Variants in NPY2R observed in about 807,000 individuals in gnomAD.
The protein encoded by NPY2R is neuropeptide Y receptor Y2, also known as neuropeptide Y receptor type 2.
A neutral mutation model predicts 22.3 loss-of-function variants in NPY2R; 17 were observed. The observed-to-expected ratio is 0.76, with a 90% CI of 0.52 to 1.14. NPY2R has a LOEUF of 1.14. NPY2R is among the 50% of genes most tolerant of loss of function. NPY2R has a pLI of 0.00. For missense variants in NPY2R, 424 were observed against 467.9 expected (o/e 0.91, Z 0.87); for synonymous variants, 209 against 183.4 (o/e 1.14, Z -1.13).
chr4:155,199,918 A>C, the NPY2R span, among the ~76,000 whole-genome samples: 8 of 152,172 alleles, frequency 5.3e-5, no homozygotes, highest in African/African-American at 1.9e-4. Context: ...CCTAGAGAAA[A>C]TCTAGGCAAT....
At chr4:155,174,654 G>A in the NPY2R span, among the ~76,000 whole-genome samples, 1 of 151,638 alleles carries the variant, frequency 6.6e-6, no homozygotes, top group Non-Finnish European at 1.5e-5. Flanking sequence ...CCCATTCTGG[G>A]AAGATAGTTC....
At position 155,215,409 on chromosome 4, in the gene NPY2R, G is replaced by T. The variant is rs1729495346; in HGVS notation, c.*324G>T. 4.8e-6 allele frequency: 2 copies of T among 413,990 alleles called. No homozygotes were observed. Among genetic ancestry groups the T allele is most frequent in the Non-Finnish European group, 9.4e-6 (2 of 211,952 alleles). The allele number at this position is 413,990 out of a possible 1,614,324, so 25.6% of individuals were successfully genotyped here. A position where few individuals can be genotyped will look rare whatever the true frequency, so the allele number is the denominator to read the frequency against. ...AAGAAATTGGTATTATCAAAGCATTGCTGAGAGACGGTGGGAAAATAAGTT... is the reference window on the plus strand; with the variant it reads ...AAGAAATTGGTATTATCAAAGCATTTCTGAGAGACGGTGGGAAAATAAGTT... On this transcript the variant is annotated 3_prime_UTR_variant, in exon 2 of 2. Coordinates refer to ENST00000329476, the MANE Select transcript of NPY2R (RefSeq NM_000910.4).
At chr4:155,183,379 T>C in the NPY2R span, among the ~76,000 whole-genome samples, 71,253 of 151,922 alleles carry the variant, frequency 0.47, 17,438 homozygotes, top group East Asian at 0.69. Flanking sequence ...CAAATGACTT[T>C]GCATAATAAT....
chr4:155,210,464 T>A (rs765570286), intron 1 of NPY2R, among the ~76,000 whole-genome samples: 5 of 152,204 alleles, frequency 3.3e-5, no homozygotes, highest in Non-Finnish European at 7.3e-5. Context: ...TAGTCAGGTA[T>A]AACCTCCAAA....
At chr4:155,206,918 T>C (rs1390611090), upstream of NPY2R, 2 of 152,216 alleles carry the variant, frequency 1.3e-5, no homozygotes, top group Non-Finnish European at 2.9e-5. Flanking sequence ...TTGAGAAGAA[T>C]GGAACCTGTC....
chr4:155,216,618 C>T lies in NPY2R; in HGVS notation c.*1533C>T, dbSNP rs112790814. ...ATATTTAAAATTCATATTATAGCTC[C>T]TATTAAATTCCTTCCATGATAGATA... On this transcript the variant is annotated 3_prime_UTR_variant, in exon 2 of 2. Coordinates refer to ENST00000329476, the MANE Select transcript of NPY2R (RefSeq NM_000910.4). 195 of 166,952 alleles carry T rather than the reference C, an allele frequency of 1.2e-3. No homozygotes were observed. The highest frequency in any genetic ancestry group is 4.4e-3 in the African/African-American group (181 of 41,522). The allele number at this position is 166,952 out of a possible 1,614,324, so 10.3% of individuals were successfully genotyped here.
chr4:155,173,932 C>T, the NPY2R span: 12 of 151,962 alleles, frequency 7.9e-5, no homozygotes, highest in Non-Finnish European at 1.8e-4. Flanking sequence ...AATGTTTCTA[C>T]CTCCAGTGCT....
chr4:155,187,703 G>A, the NPY2R span, among the ~76,000 whole-genome samples: 1 of 152,076 alleles, frequency 6.6e-6, no homozygotes, highest in African/African-American at 2.4e-5. Context: ...AATATAAACA[G>A]CATGTGTCAA....
the NPY2R span, among the ~76,000 whole-genome samples, chr4:155,200,337 A>G: frequency 6.6e-6 from 1 of 152,046 alleles, no homozygotes; most frequent in East Asian, 1.9e-4. Flanking sequence ...AATGGTGATT[A>G]TTAAAAAGTT....
chr4:155,214,529 A>G lies in NPY2R; in HGVS notation c.590A>G (p.Asp197Gly). Residue 197 changes from aspartate to glycine, a missense_variant, in exon 2 of 2, where the codon GAC becomes GGC. By Grantham distance (94) the Asp-to-Gly change is moderately conservative (BLOSUM62 -1). Coordinates refer to ENST00000329476, the MANE Select transcript of NPY2R (RefSeq NM_000910.4). ...REYSLIEIIPDFEIVACTEKW... is the reference protein window; with the variant it reads ...REYSLIEIIPGFEIVACTEKW... ...TATTCGCTGATTGAGATCATCCCGG[A>G]CTTTGAGATTGTGGCCTGTACTGAA... 1.9e-6 allele frequency: 3 copies of G among 1,614,112 alleles called. No homozygotes were observed. The highest frequency in any genetic ancestry group is 2.5e-6 in the Non-Finnish European group (3 of 1,180,006).
the NPY2R span, among the ~76,000 whole-genome samples, chr4:155,202,945 A>C: frequency 4.6e-5 from 7 of 152,140 alleles, no homozygotes; most frequent in African/African-American, 7.2e-5. Context: ...GCATTGATTA[A>C]ATTCTGAATT....
chr4:155,209,933 T>G (rs1319979955), intron 1 of NPY2R, among the ~76,000 whole-genome samples: 1 of 152,136 alleles, frequency 6.6e-6, no homozygotes, highest in Non-Finnish European at 1.5e-5. Flanking sequence ...GTTATTTGAA[T>G]CTCGGGTGGT....
At chr4:155,180,351 C>A in the NPY2R span, among the ~76,000 whole-genome samples, 1 of 152,162 alleles carries the variant, frequency 6.6e-6, no homozygotes, top group Non-Finnish European at 1.5e-5. Context: ...TCCTTTAACA[C>A]AAAGAGTGCT....
At chr4:155,198,905 A>G in the NPY2R span, among the ~76,000 whole-genome samples, 3 of 151,916 alleles carry the variant, frequency 2.0e-5, no homozygotes, top group Admixed American at 6.6e-5. Context: ...AGTGTTGAGA[A>G]TGTGGCAGTT....
chr4:155,174,484 A>ATATATATATATATATATATATATTTTTT, the NPY2R span, among the ~76,000 whole-genome samples: 1 of 106,112 alleles, frequency 9.4e-6, no homozygotes, highest in African/African-American at 4.5e-5. Flanking sequence ...ATATATATAT[A>ATATATATATATATATATATATATTTTTT]TTTTTTTTTT....
intron 1 of NPY2R, among the ~76,000 whole-genome samples, 192 bp downstream of exon 1, chr4:155,209,261 T>G (rs1327482862): frequency 6.6e-6 from 1 of 152,186 alleles, no homozygotes; most frequent in Non-Finnish European, 1.5e-5. Flanking sequence ...AGATTTTCCC[T>G]TTTCTGTTGA....
At chr4:155,210,716 C>A (rs1274868716) in intron 1 of NPY2R, among the ~76,000 whole-genome samples, 2 of 152,038 alleles carry the variant, frequency 1.3e-5, no homozygotes, top group Non-Finnish European at 2.9e-5. Flanking sequence ...GCAGAGGGAG[C>A]AGGAATATAT....
At position 155,210,147 on chromosome 4, in the gene NPY2R, T is replaced by C. The variant is rs187255317; in HGVS notation, c.-49+1078T>C. Reference sequence around the variant, plus strand: ...TCTGCTTGCTGTTTCCTTTGTGTGCTTTTGATGGCAACTTCCTCTGTGTAC... The same window carrying C: ...TCTGCTTGCTGTTTCCTTTGTGTGCCTTTGATGGCAACTTCCTCTGTGTAC... On this transcript the variant is annotated intron_variant, in intron 1 of 1. Coordinates refer to ENST00000329476, the MANE Select transcript of NPY2R (RefSeq NM_000910.4). Among the ~76,000 whole-genome samples, 6 of 152,326 alleles carry C rather than the reference T, an allele frequency of 3.9e-5. No individual in the cohort carries two copies. The East Asian group carries it at 1.2e-3, about 29-fold the overall frequency.
chr4:155,198,009 C>T, the NPY2R span, among the ~76,000 whole-genome samples: 1 of 152,040 alleles, frequency 6.6e-6, no homozygotes, highest in African/African-American at 2.4e-5. Context: ...CTTTGTATCA[C>T]AGCAACTATT....
Sources: allele counts gnomAD v4.1 joint callset (sites outside exome capture counted in the v4.1 genomes callset), GRCh38; gene constraint gnomAD v4.1.1; transcripts MANE v1.5; gene names NCBI Gene and HGNC (gene_info 2026-07-23, HGNC 2026-07-21).